Variants in HIBADH observed in about 807,000 individuals in gnomAD.
HIBADH encodes the protein 3-hydroxyisobutyrate dehydrogenase.
A neutral mutation model predicts 36.1 loss-of-function variants in HIBADH; 25 were observed. The observed-to-expected ratio is 0.69, with a 90% confidence interval of 0.50 to 0.97. The LOEUF (loss-of-function observed/expected upper bound fraction) is 0.97. Among genes scored for constraint, HIBADH ranks in the 50% least tolerant of loss-of-function variants. HIBADH has a pLI of 0.00. For missense variants in HIBADH, 421 were observed against 418.0 expected (o/e 1.01, Z -0.06); for synonymous variants, 160 against 149.5 (o/e 1.07, Z -0.51).
chr7:27,560,852 CAT>C (rs764829907), intron 4 of HIBADH, among the ~76,000 whole-genome samples: 125 of 152,282 alleles, frequency 8.2e-4, no homozygotes, highest in Admixed American at 2.2e-3. Context: ...ATGGTAATTA[CAT>C]GTTTAATTTT....
At chr7:27,566,609 C>T (rs1392444548) in intron 4 of HIBADH, among the ~76,000 whole-genome samples, 1 of 151,812 alleles carries the variant, frequency 6.6e-6, no homozygotes, top group East Asian at 1.9e-4. Flanking sequence ...TTTTACTTTT[C>T]TTTTTCTAGT....
intron 2 of HIBADH, among the ~76,000 whole-genome samples, chr7:27,645,368 A>ATGTTTTGTTTTT (rs1554300959): frequency 1.7e-5 from 1 of 59,652 alleles, no homozygotes; most frequent in African/African-American, 6.3e-5. Flanking sequence ...CATGGTTTTG[A>ATGTTTTGTTTTT]TTTTTTTTTT....
chr7:27,595,858 C>T (rs1785025354), intron 4 of HIBADH, among the ~76,000 whole-genome samples: 1 of 151,576 alleles, frequency 6.6e-6, no homozygotes, highest in Admixed American at 6.6e-5. Context: ...AAATAAATGG[C>T]TAATAAATGT....
At chr7:27,549,694 T>C (rs1583564191) in intron 4 of HIBADH, among the ~76,000 whole-genome samples, 1 of 152,324 alleles carries the variant, frequency 6.6e-6, no homozygotes, top group Admixed American at 6.5e-5. Flanking sequence ...GCTTGGTTCT[T>C]GCTTTATACC....
At chr7:27,565,892 A>G (rs75703957) in intron 4 of HIBADH, among the ~76,000 whole-genome samples, 6,905 of 152,216 alleles carry the variant, frequency 0.045, 502 homozygotes, top group African/African-American at 0.16. Context: ...TATGTCATCT[A>G]TATGTCATAC....
chr7:27,576,647 T>C (rs1002067134), intron 4 of HIBADH, among the ~76,000 whole-genome samples: 6 of 152,246 alleles, frequency 3.9e-5, no homozygotes, highest in Admixed American at 1.3e-4. Context: ...AAGATGTTAA[T>C]ATTCCTTTTC....
At position 27,644,975 on chromosome 7, in the gene HIBADH, C is replaced by T. The variant is rs115391923; in HGVS notation, c.252+4498G>A. 6.8e-3 allele frequency among the ~76,000 whole-genome samples: 1,037 copies of T among 152,222 alleles called. 14 individuals are homozygous for T. The highest frequency in any genetic ancestry group is 0.023 in the African/African-American group (951 of 41,530). On this transcript the variant is annotated intron_variant, in intron 2 of 7. Transcript: ENST00000265395. ...ATGCTTTCAAGGTTTATCAATGTTG[C>T]AGCAAATATTAGTACTTCATTTCTT...
chr7:27,607,668 G>A (rs1247637502), intron 4 of HIBADH, among the ~76,000 whole-genome samples: 1 of 151,844 alleles, frequency 6.6e-6, no homozygotes, highest in Non-Finnish European at 1.5e-5. Flanking sequence ...CTATCTGAAT[G>A]TTTGTAGATA....
intron 4 of HIBADH, among the ~76,000 whole-genome samples, chr7:27,584,670 G>A (rs1784833182): frequency 6.6e-6 from 1 of 151,930 alleles, no homozygotes; most frequent in South Asian, 2.1e-4. Flanking sequence ...AACTGTAGCA[G>A]GATCGTTTGG....
chr7:27,628,885 G>A (rs1317792280), intron 4 of HIBADH, among the ~76,000 whole-genome samples: 2 of 152,048 alleles, frequency 1.3e-5, no homozygotes, highest in Non-Finnish European at 2.9e-5. Context: ...GAATTGGGAA[G>A]TATTTCCTCT....
At chr7:27,639,932 A>G (rs1785931583) in intron 2 of HIBADH, among the ~76,000 whole-genome samples, 1 of 152,152 alleles carries the variant, frequency 6.6e-6, no homozygotes, top group African/African-American at 2.4e-5. Context: ...AGTCAAGCAA[A>G]AGAGATACGT....
intron 2 of HIBADH, among the ~76,000 whole-genome samples, chr7:27,635,658 T>C (rs994336753): frequency 6.6e-6 from 1 of 152,206 alleles, no homozygotes; most frequent in East Asian, 1.9e-4. Flanking sequence ...TGGAAGCATG[T>C]GCAATGATTC....
chr7:27,548,066 C>G (rs1423371311), intron 4 of HIBADH, among the ~76,000 whole-genome samples: 1 of 152,074 alleles, frequency 6.6e-6, no homozygotes, highest in Non-Finnish European at 1.5e-5. Context: ...GGGTAGCTGA[C>G]TACCCTGATT....
intron 2 of HIBADH, among the ~76,000 whole-genome samples, chr7:27,640,493 G>A (rs1301611748): frequency 6.6e-6 from 1 of 152,182 alleles, no homozygotes; most frequent in Non-Finnish European, 1.5e-5. Flanking sequence ...TCCCGCCACT[G>A]CATTCCAGCC....
At chr7:27,597,662 T>C (rs1259617577) in intron 4 of HIBADH, among the ~76,000 whole-genome samples, 4 of 152,168 alleles carry the variant, frequency 2.6e-5, no homozygotes, top group South Asian at 4.1e-4. Flanking sequence ...GTTTTGATCA[T>C]AGTTCACTAC....
intron 7 of HIBADH, among the ~76,000 whole-genome samples, chr7:27,526,689 T>A (rs1413161500): frequency 2.0e-5 from 3 of 151,956 alleles, no homozygotes; most frequent in Non-Finnish European, 4.4e-5. Flanking sequence ...AAGACATAAA[T>A]TTTTTTTAAA....
At chr7:27,653,258 C>A (rs973082295) in intron 1 of HIBADH, among the ~76,000 whole-genome samples, 1 of 152,116 alleles carries the variant, frequency 6.6e-6, no homozygotes, top group African/African-American at 2.4e-5. Flanking sequence ...ATTTCAAAGA[C>A]AGAAGTAAAA....
At chr7:27,535,686 TAGAA>T (rs1160030745) in intron 6 of HIBADH, among the ~76,000 whole-genome samples, 1 of 151,926 alleles carries the variant, frequency 6.6e-6, no homozygotes, top group Non-Finnish European at 1.5e-5. Flanking sequence ...GGAATCCAAT[TAGAA>T]AGCAGAAAGG....
intron 6 of HIBADH, among the ~76,000 whole-genome samples, chr7:27,536,228 C>A (rs111252293): frequency 5.9e-5 from 9 of 152,140 alleles, no homozygotes; most frequent in African/African-American, 1.4e-4. Context: ...TTTTTAGGGT[C>A]TTTAAACCAC....
Sources: gnomAD v4.1 joint callset for allele counts (sites outside exome capture counted in the v4.1 genomes callset) on GRCh38, gnomAD v4.1.1 for gene constraint, MANE v1.5 for transcripts, NCBI Gene and HGNC (gene_info 2026-07-23, HGNC 2026-07-21) for gene names.